Variants in PCCA observed in about 807,000 individuals in gnomAD.
PCCA encodes the protein propionyl-CoA carboxylase subunit alpha.
PCCA carries 74 observed loss-of-function variants against 101.3 expected under a neutral mutation model. The observed-to-expected ratio is 0.73, with a 90% CI of 0.61 to 0.89. The LOEUF is 0.89. Ranked by LOEUF, PCCA falls within the 40% of genes least tolerant of loss-of-function variation. The pLI, the probability that PCCA is intolerant of heterozygous loss-of-function variation, is 0.00. For synonymous variants in PCCA, 294 were observed against 313.6 expected, an observed-to-expected ratio of 0.94 and a Z score of 0.66; for missense variants, 891 against 907.0, an observed-to-expected ratio of 0.98 and a Z score of 0.23.
chr13:100,211,698 T>A (rs1377629237), intron 7 of PCCA, among the ~76,000 whole-genome samples: 2 of 152,278 alleles, frequency 1.3e-5, no homozygotes, highest in African/African-American at 4.8e-5. Context: ...GCAATCTTAC[T>A]TTTTTTCATG....
chr13:100,449,218 T>G (rs1046717361), intron 20 of PCCA, 34 bp from the exon 21 acceptor site: 2 of 1,374,580 alleles, frequency 1.5e-6, no homozygotes, highest in Admixed American at 4.0e-5. Flanking sequence ...TGTGCAGATA[T>G]GAGTTCATTT....
At chr13:100,257,436 G>C (rs1241000222) in intron 8 of PCCA, among the ~76,000 whole-genome samples, 159 bp from the exon 9 acceptor site, 4 of 152,032 alleles carry the variant, frequency 2.6e-5, no homozygotes, top group South Asian at 4.1e-4. Flanking sequence ...CATTACACTG[G>C]TGTTACTTTC....
chr13:100,239,894 A>G (rs1197258170), intron 8 of PCCA, among the ~76,000 whole-genome samples: 3 of 152,072 alleles, frequency 2.0e-5, no homozygotes, highest in East Asian at 1.9e-4. Context: ...AGAATTTCCA[A>G]ATCTCAATAA....
chr13:100,192,996 C>A (rs1030757731), intron 6 of PCCA, among the ~76,000 whole-genome samples: 10 of 152,182 alleles, frequency 6.6e-5, no homozygotes, highest in African/African-American at 1.9e-4. Flanking sequence ...ACTTAACCAG[C>A]CTGCTTCCGA....
intron 6 of PCCA, among the ~76,000 whole-genome samples, chr13:100,163,823 C>T (rs1158959305): frequency 1.3e-5 from 2 of 151,920 alleles, no homozygotes; most frequent in East Asian, 3.9e-4. Flanking sequence ...TTTTCCTTTT[C>T]TGACTTGGAT....
chr13:100,267,889 CT>C (rs1318486468), intron 10 of PCCA, among the ~76,000 whole-genome samples: 3 of 152,056 alleles, frequency 2.0e-5, no homozygotes, highest in Non-Finnish European at 4.4e-5. Context: ...AGCTGGATAT[CT>C]TGTATTTTAT....
intron 21 of PCCA, among the ~76,000 whole-genome samples, chr13:100,451,993 C>T (rs1458675447): frequency 8.6e-6 from 1 of 116,396 alleles, no homozygotes; most frequent in Non-Finnish European, 1.8e-5. Context: ...TCTCTTTTCT[C>T]CCTCTCTCTC....
chr13:100,258,986 T>G (rs1252940608), intron 9 of PCCA, among the ~76,000 whole-genome samples: 1 of 152,192 alleles, frequency 6.6e-6, no homozygotes, highest in Non-Finnish European at 1.5e-5. Context: ...TGTCCCTTAT[T>G]TATTTGGGAA....
At chr13:100,194,686 T>G (rs1245783868) in intron 6 of PCCA, among the ~76,000 whole-genome samples, 7 of 152,206 alleles carry the variant, frequency 4.6e-5, no homozygotes, top group African/African-American at 1.4e-4. Flanking sequence ...CCCAAAGTGC[T>G]GGGATTACAG....
rs2152279061 is a variant in PCCA at position 100,112,028 on chromosome 13, A to G, written c.267A>G (p.Thr89=). The G allele has an allele frequency of 1.9e-6, 3 of 1,611,196 alleles. No individual in the cohort carries two copies. The highest frequency in any genetic ancestry group is 2.5e-6 in the Non-Finnish European group (3 of 1,178,792). Residue 89 remains threonine (T), a synonymous_variant, in exon 4 of 24, where the codon ACA becomes ACG. Transcript: ENST00000376285. Reference sequence around the variant, plus strand: ...CTTGCAAGAAGATGGGCATTAAGACAGTTGCCATCCACAGTGATGTTGATG... The same window carrying G: ...CTTGCAAGAAGATGGGCATTAAGACGGTTGCCATCCACAGTGATGTTGATG... ...IRTCKKMGIK[T]VAIHSDVDAS...
At chr13:100,415,292 A>G (rs1403061799) in intron 19 of PCCA, among the ~76,000 whole-genome samples, 2 of 151,598 alleles carry the variant, frequency 1.3e-5, no homozygotes, top group Non-Finnish European at 2.9e-5. Context: ...CTGTAACCCC[A>G]GCTACTCAAC....
At chr13:100,181,756 CTTTTTCTT>C (rs912551878) in intron 6 of PCCA, among the ~76,000 whole-genome samples, 27 of 134,586 alleles carry the variant, frequency 2.0e-4, no homozygotes, top group Non-Finnish European at 3.5e-4. Flanking sequence ...TTTTGTTTTT[CTTTTTCTT>C]TTTTTCTTTT....
At chr13:100,174,101 C>T (rs17196583) in intron 6 of PCCA, among the ~76,000 whole-genome samples, 21,585 of 151,928 alleles carry the variant, frequency 0.14, 1,683 homozygotes, top group Middle Eastern at 0.22. Context: ...ATATGAAAAG[C>T]GGTTTCACAT....
intron 7 of PCCA, among the ~76,000 whole-genome samples, chr13:100,222,765 T>G (rs919060120): frequency 1.3e-5 from 2 of 152,200 alleles, no homozygotes; most frequent in Non-Finnish European, 2.9e-5. Flanking sequence ...ATAACTATAT[T>G]CTATTTTTTT....
Position 100,089,099 on chromosome 13 carries a change from G to C in PCCA, c.-22G>C, listed in dbSNP as rs1238945656. 7 of 1,468,306 alleles carry C rather than the reference G, an allele frequency of 4.8e-6. No homozygotes were observed. The highest frequency in any genetic ancestry group is 6.3e-6 in the Non-Finnish European group (7 of 1,103,958). The allele number at this position is 1,468,306 out of a possible 1,614,324, so 91.0% of individuals were successfully genotyped here. ...TCCGGCTGTGTGAGAGGTCAGCAGA[G>C]GGGCGGTCTGCGGGGACAACAATGG... On this transcript the variant is annotated 5_prime_UTR_variant, in exon 1 of 24. Transcript: ENST00000376285.
At chr13:100,220,175 C>T (rs2059737200) in intron 7 of PCCA, among the ~76,000 whole-genome samples, 1 of 152,196 alleles carries the variant, frequency 6.6e-6, no homozygotes, top group Non-Finnish European at 1.5e-5. Context: ...GCTAGAACAA[C>T]TGAATTAGAG....
intron 21 of PCCA, among the ~76,000 whole-genome samples, chr13:100,499,227 A>C (rs2085494614): frequency 6.6e-6 from 1 of 152,222 alleles, no homozygotes; most frequent in Non-Finnish European, 1.5e-5. Context: ...TTTGAAAAAT[A>C]AGACTTCTCC....
intron 19 of PCCA, among the ~76,000 whole-genome samples, chr13:100,372,902 G>C (rs1446522195): frequency 6.6e-6 from 1 of 152,046 alleles, no homozygotes; most frequent in Non-Finnish European, 1.5e-5. Flanking sequence ...ACCACACTTG[G>C]CTAATTTTTT....
At chr13:100,512,422 G>T (rs1015069672) in intron 21 of PCCA, among the ~76,000 whole-genome samples, 1 of 152,192 alleles carries the variant, frequency 6.6e-6, no homozygotes, top group African/African-American at 2.4e-5. Flanking sequence ...AGTCCCACCA[G>T]GCCAAGCCAG....
Sources: allele counts gnomAD v4.1 joint callset (sites outside exome capture counted in the v4.1 genomes callset), GRCh38; gene constraint gnomAD v4.1.1; transcripts MANE v1.5; gene names NCBI Gene and HGNC (gene_info 2026-07-23, HGNC 2026-07-21).